COL5A1: variants seen among roughly 807,000 people sequenced by gnomAD.
COL5A1 encodes the protein collagen alpha-1(V) chain.
COL5A1 carries 16 observed loss-of-function variants against 263.7 expected under a neutral mutation model. The ratio of observed to expected loss-of-function variants is 0.06; its 90% CI spans 0.04 to 0.09. The LOEUF (loss-of-function observed/expected upper bound fraction) is 0.09, where lower values mean the gene tolerates loss of function less well. Ranked by LOEUF, COL5A1 falls within the 10% of genes least tolerant of loss-of-function variation. The pLI is 1.00. For synonymous variants in COL5A1, 1,012 were observed against 1,004.5 expected (o/e 1.01, Z -0.14); for missense variants, 2,036 against 2,540.5 (o/e 0.80, Z 4.27).
intron 1 of COL5A1, among the ~76,000 whole-genome samples, chr9:134,666,719 C>A (rs1032743564): frequency 6.6e-6 from 1 of 152,162 alleles, no homozygotes; most frequent in Non-Finnish European, 1.5e-5. Context: ...GCTAGCCCAT[C>A]GTGACCCTTT....
rs756183098 is a variant in COL5A1, at chr9:134,842,309, G to A, written c.*6G>A. On this transcript the variant is annotated 3_prime_UTR_variant, in exon 66 of 66. Transcript: ENST00000371817. This position sits in a 1 kb window ranked among gnomAD's most constrained non-coding sequence, Gnocchi z 5.8. ...CGGCTTGCTTCATGGGCTAGGAGCC[G>A]CCGAGCCCGGGCTCCCGAGAGCAAC... is the stretch of plus-strand genomic sequence containing the variant. The A allele has an allele frequency of 8.7e-6, 14 of 1,613,866 alleles. No homozygotes were observed. The highest frequency in any genetic ancestry group is 4.0e-5 in the African/African-American group (3 of 74,932).
chr9:134,831,705 T>C (rs7036416), intron 64 of COL5A1, among the ~76,000 whole-genome samples: 98,651 of 152,058 alleles, frequency 0.65, 32,347 homozygotes, highest in African/African-American at 0.74. Flanking sequence ...AAAAAGAGCC[T>C]CTCACAGCAT....
intron 41 of COL5A1, 92 bp from the exon 42 acceptor site, chr9:134,806,097 A>G: frequency 1.1e-6 from 1 of 908,650 alleles, no homozygotes; most frequent in South Asian, 1.4e-5. Flanking sequence ...TAGAGTGAGC[A>G]GGTAAGTGGA....
intron 41 of COL5A1, among the ~76,000 whole-genome samples, 173 bp from the exon 42 acceptor site, chr9:134,806,016 G>A (rs1838284035): frequency 6.6e-6 from 1 of 152,176 alleles, no homozygotes; most frequent in Non-Finnish European, 1.5e-5. Flanking sequence ...GTTACAGGAA[G>A]ACACAGAGCC....
chr9:134,697,007 C>T (rs1833500873), intron 2 of COL5A1, among the ~76,000 whole-genome samples: 1 of 151,752 alleles, frequency 6.6e-6, no homozygotes, highest in South Asian at 2.1e-4. Flanking sequence ...GGAGGCGGAG[C>T]TTGCAGTGAG....
Position 134,815,960 on chromosome 9 carries a change from A to G in COL5A1, c.4094A>G (p.Lys1365Arg), listed in dbSNP as rs1356161143. The G allele has an allele frequency of 6.2e-7, 1 of 1,614,096 alleles. No homozygotes were observed. Among genetic ancestry groups the G allele is most frequent in the Non-Finnish European group, 8.5e-7 (1 of 1,180,026 alleles). ...GGTCAAGATGGTCCCCCTGGTGACA[A>G]AGGAGATGATGGTGAACCCGGGCAG... ...PAGQDGPPGD[K>R]GDDGEPGQTG... Residue 1365 changes from lysine (K) to arginine (R), a missense_variant, in exon 52 of 66, where the codon AAA becomes AGA. Physicochemically the swap from Lys to Arg is conservative, Grantham distance 26. Transcript: ENST00000371817.
At chr9:134,817,696 C>T in intron 53 of COL5A1, 82 bp from the exon 54 acceptor site, 3 of 1,291,708 alleles carry the variant, frequency 2.3e-6, no homozygotes, top group South Asian at 2.5e-5. Context: ...CACACACACA[C>T]ACCCTGAGCG....
rs200987038 is a variant in COL5A1 at position 134,820,176 on chromosome 9, C to A, written c.4507C>A (p.Arg1503Ser). The A allele has an allele frequency of 6.2e-7, 1 of 1,613,962 alleles. No individual in the cohort carries two copies. Among genetic ancestry groups the A allele is most frequent in the Non-Finnish European group, 8.5e-7 (1 of 1,179,984 alleles). The stretch of plus-strand genomic sequence containing the variant: ...GGGTGAACAGGGTGAGAAGGGCGAC[C>A]GTGGTCTCCCTGGCCCCCAGGGCTC... ...PPGEQGEKGD[R>S]GLPGPQGSSG... The change falls in exon 58 of 66, where the codon CGT becomes AGT. Residue 1503 changes from arginine (R) to serine (S), a missense_variant. Physicochemically the swap from Arg to Ser is moderately radical, Grantham distance 110. Around this residue, in one of 3 missense-constraint regions of COL5A1, gnomAD observed 1,078 missense variants for 1,521.4 expected, o/e 0.71. Transcript: ENST00000371817.
intron 65 of COL5A1, among the ~76,000 whole-genome samples, chr9:134,835,574 A>G (rs1839824158): frequency 6.6e-6 from 1 of 152,168 alleles, no homozygotes; most frequent in Non-Finnish European, 1.5e-5. Context: ...CTCTTCTGGG[A>G]GTGGCCAGAA....
At chr9:134,824,093 G>A (rs756515556) in intron 61 of COL5A1, among the ~76,000 whole-genome samples, 1 of 152,186 alleles carries the variant, frequency 6.6e-6, no homozygotes, top group Non-Finnish European at 1.5e-5. Flanking sequence ...TTGAACCAGG[G>A]CATGGCGAGT....
chr9:134,796,732 TG>T (rs1837922951), intron 35 of COL5A1, 115 bp from the exon 36 acceptor site: 4 of 992,950 alleles, frequency 4.0e-6, no homozygotes, highest in Non-Finnish European at 4.9e-6. Context: ...GGAAAGGCCA[TG>T]GGGGTGGGAA....
chr9:134,709,717 C>T (rs1047739972), intron 4 of COL5A1, among the ~76,000 whole-genome samples: 11 of 152,236 alleles, frequency 7.2e-5, no homozygotes, highest in African/African-American at 2.7e-4. Flanking sequence ...GAGCCACAGA[C>T]CCATCTCCCA....
At chr9:134,756,840 T>A in intron 17 of COL5A1, 22 bp downstream of exon 17, 1 of 1,612,030 alleles carries the variant, frequency 6.2e-7, no homozygotes, top group Non-Finnish European at 8.5e-7. Flanking sequence ...ACCACCCTCC[T>A]GGTGCCCTGG....
At chr9:134,717,755 T>G (rs1834320753) in intron 4 of COL5A1, among the ~76,000 whole-genome samples, 1 of 152,180 alleles carries the variant, frequency 6.6e-6, no homozygotes, top group South Asian at 2.1e-4. Flanking sequence ...TGTCTCTCTG[T>G]TTACCAGCAC....
In COL5A1 at chr9:134,700,599, A is replaced by T. The variant is rs978836677; in HGVS notation, c.491+477A>T. On this transcript the variant is annotated intron_variant, in intron 3 of 65. Coordinates refer to ENST00000371817, the MANE Select transcript of COL5A1 (RefSeq NM_000093.5). This position sits in a 1 kb window ranked among gnomAD's most constrained non-coding sequence, Gnocchi z 4.0. ...TCCTCTTTCGTGGTCAGCACGTGTGAGGTCATGCCCTGATAATCTCCGAAC... is the reference window on the plus strand; with the variant it reads ...TCCTCTTTCGTGGTCAGCACGTGTGTGGTCATGCCCTGATAATCTCCGAAC... Among the ~76,000 whole-genome samples, 1 of 152,142 alleles carries T rather than the reference A, an allele frequency of 6.6e-6. No homozygotes were observed. The highest frequency in any genetic ancestry group is 2.4e-5 in the African/African-American group (1 of 41,440).
intron 64 of COL5A1, among the ~76,000 whole-genome samples, chr9:134,834,683 G>A (rs970871368): frequency 3.9e-5 from 6 of 152,180 alleles, no homozygotes; most frequent in Admixed American, 1.3e-4. Flanking sequence ...TAGGCTTCCT[G>A]GAGGAGGCAG....
chr9:134,650,292 C>T (rs60063652), intron 1 of COL5A1, among the ~76,000 whole-genome samples: 31,298 of 151,986 alleles, frequency 0.21, 3,988 homozygotes, highest in African/African-American at 0.35. Flanking sequence ...ACATGAGCAT[C>T]GTAACCGTCT....
chr9:134,785,722 C>A lies in COL5A1; in HGVS notation c.2593-273C>A, dbSNP rs141782203. 0.011 allele frequency among the ~76,000 whole-genome samples: 1,669 copies of A among 152,346 alleles called. 27 individuals are homozygous for A. Among genetic ancestry groups the A allele is most frequent in the African/African-American group, 0.038 (1,560 of 41,570 alleles). On this transcript the variant is annotated intron_variant, in intron 30 of 65. Coordinates refer to ENST00000371817, the MANE Select transcript of COL5A1 (RefSeq NM_000093.5). ...CTGAGTTGAGGCATTTGCCTCTAAT[C>A]GCTTTGCTCCACAGTGGCAAGACCT...
Position 134,696,658 on chromosome 9 carries a change from A to G in COL5A1, c.278-3251A>G, listed in dbSNP as rs1163182645. The stretch of plus-strand genomic sequence containing the variant: ...ATCACGTGATCCACTGTAGTGAGCA[A>G]TCGGTATGCTTAGTAACTGTCGGCT... On this transcript the variant is annotated intron_variant, in intron 2 of 65. Transcript: ENST00000371817. This position sits in a 1 kb window ranked among gnomAD's most constrained non-coding sequence, Gnocchi z 4.3. 6.6e-6 allele frequency among the ~76,000 whole-genome samples: 1 copy of G among 152,226 alleles called. No individual in the cohort carries two copies. Among genetic ancestry groups the G allele is most frequent in the Non-Finnish European group, 1.5e-5 (1 of 68,044 alleles).
Sources: allele counts gnomAD v4.1 joint callset (sites outside exome capture counted in the v4.1 genomes callset), GRCh38; gene constraint gnomAD v4.1.1; regional missense constraint gnomAD v4.1.1; non-coding constraint Gnocchi (gnomAD v3.1); transcripts MANE v1.5; gene names NCBI Gene and HGNC (gene_info 2026-07-23, HGNC 2026-07-21).